Variants in BCL2L14 observed in about 807,000 individuals in gnomAD.
BCL2L14 encodes apoptosis facilitator Bcl-2-like protein 14.
In BCL2L14, 27 loss-of-function variants were observed where a neutral mutation model predicts 35.3. The ratio of observed to expected loss-of-function variants is 0.76; its 90% CI spans 0.56 to 1.05. BCL2L14 has a LOEUF of 1.05. Ranked by LOEUF, BCL2L14 falls within the 50% of genes least tolerant of loss-of-function variation. The pLI, the probability that BCL2L14 is intolerant of heterozygous loss-of-function variation, is 0.00. For missense variants in BCL2L14, 377 were observed against 382.6 expected (o/e 0.99, Z 0.12); for synonymous variants, 139 against 145.9 (o/e 0.95, Z 0.34).
upstream of BCL2L14, among the ~76,000 whole-genome samples, chr12:12,069,225 T>C (rs1948628788): frequency 1.3e-5 from 2 of 152,178 alleles, no homozygotes; most frequent in African/African-American, 4.8e-5. Context: ...CCTGAAGAAC[T>C]CTTGTCTCAT....
In BCL2L14 at chr12:12,079,332, G is replaced by T. The variant is rs1169598553; in HGVS notation, c.27G>T (p.Leu9=). The T allele has an allele frequency of 1.2e-6, 2 of 1,613,990 alleles. No homozygotes were observed. The highest frequency in any genetic ancestry group is 2.2e-5 in the East Asian group (1 of 44,890). Residue 9 remains leucine, a synonymous_variant, in exon 2 of 6, where the codon CTG becomes CTT. Transcript: ENST00000308721. ...TGTGTAGCACCAGTGGGTGTGACCT[G>T]GAAGAAATCCCCCTAGATGATGATG... is the stretch of plus-strand genomic sequence containing the variant. MCSTSGCD[L]EEIPLDDDDL...
In BCL2L14 at chr12:12,058,838, C is replaced by T. The variant is rs149045418; in HGVS notation, c.-272+6991C>T. ...TCCCTTGGGAGATCAATCCCCTGTCCTCCCACTCTTTGCTCCGTGAGAAAG... is the reference window on the plus strand; with the variant it reads ...TCCCTTGGGAGATCAATCCCCTGTCTTCCCACTCTTTGCTCCGTGAGAAAG... On this transcript the variant is annotated intron_variant, in intron 2 of 3. Coordinates refer to the BCL2L14 transcript ENST00000461264. Among the ~76,000 whole-genome samples the T allele has an allele frequency of 1.3e-3, 204 of 152,328 alleles. 1 individual carries two copies. The highest frequency in any genetic ancestry group is 2.4e-3 in the Non-Finnish European group (161 of 68,032).
At chr12:12,058,775 G>C in intron 2 of BCL2L14, among the ~76,000 whole-genome samples, 1 of 152,228 alleles carries the variant, frequency 6.6e-6, no homozygotes, top group East Asian at 1.9e-4. Flanking sequence ...TCACACCGAC[G>C]CGCATGAAAT....
At chr12:12,065,084 A>C (rs777380465) in intron 2 of BCL2L14, among the ~76,000 whole-genome samples, 12 of 152,184 alleles carry the variant, frequency 7.9e-5, no homozygotes, top group Non-Finnish European at 1.6e-4. Flanking sequence ...TGCAAATTAG[A>C]CTGACGAAAG....
At position 12,079,394 on chromosome 12, in the gene BCL2L14, A is replaced by G. The variant is rs1948859694; in HGVS notation, c.89A>G (p.Tyr30Cys). The G allele has an allele frequency of 1.2e-6, 2 of 1,614,046 alleles. No individual in the cohort carries two copies. Among genetic ancestry groups the G allele is most frequent in the Non-Finnish European group, 1.7e-6 (2 of 1,180,032 alleles). The change falls in exon 2 of 6, where the codon TAC becomes TGC. Residue 30 changes from tyrosine to cysteine, a missense_variant. Transcript: ENST00000308721. ...NTIEFKILAYYTRHHVFKSTP... is the reference protein window; with the variant it reads ...NTIEFKILAYCTRHHVFKSTP... ...ATAGAATTCAAAATCCTCGCCTACT[A>G]CACCAGACATCATGTCTTCAAGAGC...
intron 2 of BCL2L14, among the ~76,000 whole-genome samples, chr12:12,056,815 G>C (rs777542106): frequency 5.3e-5 from 8 of 152,056 alleles, no homozygotes; most frequent in Non-Finnish European, 1.0e-4. Context: ...CAGCCTGGAC[G>C]ACAAGAGCGA....
At chr12:12,081,456 CAAAAAAAA>C (rs531114346) in intron 2 of BCL2L14, among the ~76,000 whole-genome samples, 3 of 93,682 alleles carry the variant, frequency 3.2e-5, no homozygotes, top group Non-Finnish European at 6.9e-5. Context: ...ACTCTGTCTC[CAAAAAAAA>C]AAAAAAAAAG....
At position 12,078,318 on chromosome 12, in the gene BCL2L14, A is replaced by C. The variant is rs1948825760; in HGVS notation, c.-7-981A>C. Among the ~76,000 whole-genome samples, 4 of 152,208 alleles carry C rather than the reference A, an allele frequency of 2.6e-5. 1 individual carries two copies. Among genetic ancestry groups the C allele is most frequent in the Admixed American group, 2.0e-4 (3 of 15,274 alleles). The stretch of plus-strand genomic sequence containing the variant: ...TAAAGCAGAGGGTAGAGGGAGAAGG[A>C]ACCGAGGAAGGGAAGGGTCAGGTCC... On this transcript the variant is annotated intron_variant, in intron 1 of 5. Coordinates refer to ENST00000308721, the MANE Select transcript of BCL2L14 (RefSeq NM_138723.2).
chr12:12,086,480 G>C (rs897744692), intron 2 of BCL2L14, among the ~76,000 whole-genome samples: 2 of 152,176 alleles, frequency 1.3e-5, no homozygotes, highest in African/African-American at 4.8e-5. Context: ...AACACTCACT[G>C]GGCCAATGCC....
chr12:12,078,799 G>GTTTTT (rs113335017), intron 1 of BCL2L14, among the ~76,000 whole-genome samples: 7 of 152,218 alleles, frequency 4.6e-5, no homozygotes, highest in African/African-American at 1.4e-4. Context: ...TTCTCTCTCT[G>GTTTTT]TTGTTTTTTG....
intron 1 of BCL2L14, among the ~76,000 whole-genome samples, chr12:12,071,994 T>C (rs1948677734): frequency 1.3e-5 from 2 of 151,640 alleles, no homozygotes; most frequent in Admixed American, 1.3e-4. Flanking sequence ...TGGGGATGAG[T>C]GTCAGTGCCC....
intron 2 of BCL2L14, among the ~76,000 whole-genome samples, chr12:12,064,442 T>A (rs1948570527): frequency 6.6e-6 from 1 of 152,128 alleles, no homozygotes; most frequent in Admixed American, 6.5e-5. Flanking sequence ...CTTAACTCTT[T>A]TGTATCTCAG....
intron 2 of BCL2L14, among the ~76,000 whole-genome samples, chr12:12,085,383 T>C (rs10845474): frequency 0.27 from 41,511 of 152,154 alleles, 5,876 homozygotes; most frequent in Middle Eastern, 0.43. Context: ...CTTTGGAAGA[T>C]AGCCTCTTGC....
At chr12:12,082,015 A>G (rs1948938653) in intron 2 of BCL2L14, among the ~76,000 whole-genome samples, 1 of 152,224 alleles carries the variant, frequency 6.6e-6, no homozygotes, top group African/African-American at 2.4e-5. Flanking sequence ...ACAGCTTTAG[A>G]TCACTCACTA....
intron 1 of BCL2L14, among the ~76,000 whole-genome samples, chr12:12,051,165 T>C (rs1389552542): frequency 6.6e-6 from 1 of 152,128 alleles, no homozygotes; most frequent in African/African-American, 2.4e-5. Flanking sequence ...GAGGGGTTAA[T>C]AAATAGAGAT....
At chr12:12,053,723 A>G (rs4318056) in intron 2 of BCL2L14, among the ~76,000 whole-genome samples, 123,183 of 152,158 alleles carry the variant, frequency 0.81, 49,975 homozygotes, top group East Asian at 0.98. Flanking sequence ...CCGGCAATAT[A>G]ACTTCTTTTG....
upstream of BCL2L14, among the ~76,000 whole-genome samples, chr12:12,070,163 T>C (rs905650241): frequency 6.6e-6 from 1 of 152,248 alleles, no homozygotes; most frequent in Admixed American, 6.5e-5. Flanking sequence ...GTTTTTACTA[T>C]GGCTGTGCTT....
intron 1 of BCL2L14, among the ~76,000 whole-genome samples, chr12:12,076,879 G>A (rs1948790957): frequency 1.3e-5 from 2 of 152,138 alleles, no homozygotes; most frequent in Non-Finnish European, 2.9e-5. Context: ...AGAACCAGGG[G>A]GAAAAGTTAG....
At chr12:12,070,270 G>C (rs745523297), upstream of BCL2L14, among the ~76,000 whole-genome samples, 10 of 152,194 alleles carry the variant, frequency 6.6e-5, no homozygotes, top group Non-Finnish European at 1.3e-4. Flanking sequence ...GCCAGAAAGA[G>C]CACGATTTGG....
Sources: gnomAD v4.1 joint callset for allele counts (sites outside exome capture counted in the v4.1 genomes callset) on GRCh38, gnomAD v4.1.1 for gene constraint, MANE v1.5 for transcripts, NCBI Gene and HGNC (gene_info 2026-07-23, HGNC 2026-07-21) for gene names.